PPP2R3B: variants seen among roughly 807,000 people sequenced by gnomAD.
PPP2R3B encodes the protein serine/threonine-protein phosphatase 2A regulatory subunit B'' subunit beta.
Under a neutral mutation model 72.9 loss-of-function variants are expected in PPP2R3B, and 68 were observed. That is an observed-to-expected ratio of 0.93 (90% CI 0.77 to 1.14). PPP2R3B has a LOEUF of 1.14. PPP2R3B is among the 50% of genes most tolerant of loss of function. PPP2R3B has a pLI of 0.00. For synonymous variants in PPP2R3B, 466 were observed against 375.8 expected (o/e 1.24, Z -2.78); for missense variants, 1,018 against 842.0 (o/e 1.21, Z -2.59).
In PPP2R3B at chrX:340,917, A is replaced by G. The variant is rs1380104113; in HGVS notation, c.1199T>C (p.Met400Thr). 6.8e-6 allele frequency: 11 copies of G among 1,611,612 alleles called. No individual in the cohort carries two copies. The highest frequency in any genetic ancestry group is 9.3e-6 in the Non-Finnish European group (11 of 1,179,554). ...CAGGGCGCCGTCCCCGTCCAGGTCC[A>G]TGCAGCGGAACCAGTACTCGATGCT... is the stretch of plus-strand genomic sequence containing the variant. ...PTSIEYWFRC[M>T]DLDGDGALSM... The change falls in exon 10 of 13, where the codon ATG becomes ACG. Residue 400 changes from methionine to threonine, a missense_variant. Met to Thr is a moderately conservative substitution (Grantham distance 81). Coordinates refer to ENST00000390665, the MANE Select transcript of PPP2R3B (RefSeq NM_013239.5).
chrX:381,832 T>C (rs1259205323), intron 1 of PPP2R3B, among the ~76,000 whole-genome samples: 2 of 151,838 alleles, frequency 1.3e-5, no homozygotes, highest in Non-Finnish European at 2.9e-5. Flanking sequence ...TCTCCTGACC[T>C]TGTGATCCGC....
At chrX:367,681 A>G (rs2071751675) in intron 1 of PPP2R3B, among the ~76,000 whole-genome samples, 1 of 152,256 alleles carries the variant, frequency 6.6e-6, no homozygotes, top group African/African-American at 2.4e-5. Flanking sequence ...AGACGGTCAC[A>G]GTCCATCACA....
intron 1 of PPP2R3B, among the ~76,000 whole-genome samples, chrX:375,458 C>A (rs1466774505): frequency 1.4e-5 from 2 of 139,130 alleles, no homozygotes; most frequent in Non-Finnish European, 3.0e-5. Context: ...ACCCACGATG[C>A]AGGATGCAAA....
chrX:367,011 G>C (rs942138617), intron 1 of PPP2R3B, among the ~76,000 whole-genome samples: 7 of 150,242 alleles, frequency 4.7e-5, no homozygotes, highest in Admixed American at 2.0e-4. Flanking sequence ...CTGGGTGACA[G>C]AGTGAGACTC....
chrX:380,029 C>T (rs1192670325), intron 1 of PPP2R3B, among the ~76,000 whole-genome samples: 2 of 152,288 alleles, frequency 1.3e-5, no homozygotes, highest in South Asian at 2.1e-4. Flanking sequence ...GTTCAATATA[C>T]GGTGCTGGGG....
chrX:341,680 C>T (rs911689649), intron 8 of PPP2R3B: 3 of 689,560 alleles, frequency 4.4e-6, no homozygotes, highest in Non-Finnish European at 7.6e-6. Flanking sequence ...CCACCCCCTT[C>T]CTCAGACTTC....
rs2070821641 is a variant in PPP2R3B at position 334,214 on chromosome X, C to G, written c.*153G>C. 1.0e-6 allele frequency: 1 copy of G among 964,188 alleles called. No homozygotes were observed. The highest frequency in any genetic ancestry group is 3.4e-5 in the East Asian group (1 of 29,340). The allele number at this position is 964,188 out of a possible 1,614,324, so 59.7% of individuals were successfully genotyped here. ...GCTCTGGGCAGGTCCAGCCACGAAC[C>G]CACAGCGGCAATCAACACGCTTCTG... On this transcript the variant is annotated 3_prime_UTR_variant, in exon 13 of 13. Transcript: ENST00000390665.
intron 1 of PPP2R3B, among the ~76,000 whole-genome samples, chrX:380,810 AAGC>A (rs1191732418): frequency 9.9e-4 from 141 of 142,414 alleles, no homozygotes; most frequent in African/African-American, 3.7e-3. Context: ...AAAAAAAAAA[AAGC>A]AGCTCATCCA....
chrX:337,241 T>C (rs4933044), intron 12 of PPP2R3B: 49,788 of 151,874 alleles, frequency 0.33, 8,416 homozygotes, highest in East Asian at 0.44. Flanking sequence ...CCACCACGCC[T>C]GGCTAATTTT....
At chrX:374,437 G>A (rs1217621601) in intron 1 of PPP2R3B, among the ~76,000 whole-genome samples, 2 of 152,242 alleles carry the variant, frequency 1.3e-5, no homozygotes, top group Non-Finnish European at 2.9e-5. Context: ...GCTGCAGTGG[G>A]CATCCAGGAT....
intron 1 of PPP2R3B, among the ~76,000 whole-genome samples, chrX:380,044 C>A (rs2072089533): frequency 6.6e-6 from 1 of 152,166 alleles, no homozygotes; most frequent in Non-Finnish European, 1.5e-5. Flanking sequence ...CTGGGGTCAT[C>A]CAGATACCTC....
chrX:338,415 G>A (rs1014247705), intron 12 of PPP2R3B, 189 bp downstream of exon 12: 4 of 638,688 alleles, frequency 6.3e-6, no homozygotes, highest in Non-Finnish European at 1.1e-5. Flanking sequence ...GCCCGGCCCT[G>A]TCATCGGCTG....
rs1340457866 is a variant in PPP2R3B, at chrX:347,497, C to T, written c.614+93G>A. The T allele has an allele frequency of 5.8e-5, 82 of 1,412,056 alleles. 1 individual carries two copies. The South Asian group carries it at 6.2e-4, about 11-fold the overall frequency. The allele number at this position is 1,412,056 out of a possible 1,614,324, so 87.5% of individuals were successfully genotyped here. A position where few individuals can be genotyped will look rare whatever the true frequency, so the allele number is the denominator to read the frequency against. On this transcript the variant is annotated intron_variant, in intron 3 of 12. Coordinates refer to ENST00000390665, the MANE Select transcript of PPP2R3B (RefSeq NM_013239.5). ...CGTACAAGGGTTTCTCCTCTCACTG[C>T]GGCAGCCTCAGGGGGCACCCGTCCT...
intron 1 of PPP2R3B, chrX:373,521 G>T: frequency 5.8e-6 from 1 of 173,868 alleles, no homozygotes; most frequent in South Asian, 9.6e-5. Context: ...CGCGGGGCGC[G>T]CGGGGCTGAC....
intron 1 of PPP2R3B, among the ~76,000 whole-genome samples, chrX:379,442 CTGTG>C (rs762046601): frequency 2.1e-4 from 31 of 150,718 alleles, no homozygotes; most frequent in African/African-American, 2.9e-4. Flanking sequence ...GCATATGCAC[CTGTG>C]TGTGTGTATG....
intron 2 of PPP2R3B, among the ~76,000 whole-genome samples, chrX:349,105 T>C (rs1479727673): frequency 1.3e-5 from 2 of 152,116 alleles, no homozygotes; most frequent in Non-Finnish European, 2.9e-5. Flanking sequence ...TAAAGGGTGC[T>C]ATGGCCTGAA....
chrX:347,201 G>A, intron 4 of PPP2R3B, 33 bp downstream of exon 4: 1 of 1,564,542 alleles, frequency 6.4e-7, no homozygotes. Context: ...TCCCGTGAAG[G>A]ATAAGGCCTG....
At chrX:346,876 G>A in intron 4 of PPP2R3B, 101 bp from the exon 5 acceptor site, 1 of 1,144,270 alleles carries the variant, frequency 8.7e-7, no homozygotes, top group Non-Finnish European at 1.3e-6. Context: ...TGAGCGATGA[G>A]GTGTGCGGTG....
rs1195749906 is a variant in PPP2R3B at position 334,606 on chromosome X, A to G, written c.1578-89T>C. On this transcript the variant is annotated intron_variant, in intron 12 of 12. Transcript: ENST00000390665. ...GGAAACACAGGCTGCTCGGCCGCCA[A>G]CCTCCAGCACGAGACAGTCCCCTGA... The G allele has an allele frequency of 2.2e-6, 3 of 1,333,858 alleles. No individual in the cohort carries two copies. The African/African-American group carries it at 4.6e-5, about 21-fold the overall frequency. 82.6% of individuals were successfully genotyped at this position (1,333,858 alleles called of 1,614,324 possible).
Sources: gnomAD v4.1 joint callset for allele counts (sites outside exome capture counted in the v4.1 genomes callset) on GRCh38, gnomAD v4.1.1 for gene constraint, MANE v1.5 for transcripts, NCBI Gene and HGNC (gene_info 2026-07-23, HGNC 2026-07-21) for gene names.